The following LRIG3 variants were observed in gnomAD, a reference collection of about 807,000 sequenced individuals.
The protein encoded by LRIG3 is leucine rich repeats and immunoglobulin like domains 3.
LRIG3 carries 76 observed loss-of-function variants against 114.5 expected under a neutral mutation model. The ratio of observed to expected loss-of-function variants is 0.66; its 90% CI spans 0.55 to 0.80. The LOEUF (loss-of-function observed/expected upper bound fraction) is 0.80, where lower values mean the gene tolerates loss of function less well. Among genes scored for constraint, LRIG3 ranks in the 30% least tolerant of loss-of-function variants. The probability of loss-of-function intolerance (pLI) is 0.00; values close to 1 mark genes in which losing one functional copy is unlikely to be tolerated. For missense variants in LRIG3, 1,239 were observed against 1,382.8 expected, an observed-to-expected ratio of 0.90 and a Z score of 1.65; for synonymous variants, 512 against 519.8, an observed-to-expected ratio of 0.98 and a Z score of 0.20.
Position 58,920,131 on chromosome 12 carries a change from G to T in LRIG3, c.105C>A (p.Leu35=). The T allele has an allele frequency of 6.5e-7, 1 of 1,545,600 alleles. No individual in the cohort carries two copies. The part of the protein sequence containing the change: ...GRSDSGGRGE[L]GQPSGVAAER... ...CGGCGGCTACCCCAGAGGGCTGCCC[G>T]AGTTCCCCGCGACCGCCGCTGTCTG... Residue 35 remains leucine, a synonymous_variant, in exon 1 of 19, where the codon CTC becomes CTA. Transcript: ENST00000320743.
intron 3 of LRIG3, among the ~76,000 whole-genome samples, chr12:58,900,037 C>T: frequency 6.6e-6 from 1 of 152,082 alleles, no homozygotes; most frequent in South Asian, 2.1e-4. Context: ...AATCATTACC[C>T]CTGCACAGCT....
Position 58,888,992 on chromosome 12 carries a change from T to C in LRIG3, c.660-30A>G, listed in dbSNP as rs746270644. On this transcript the variant is annotated intron_variant, in intron 5 of 18. Transcript: ENST00000320743. Reference sequence around the variant, plus strand: ...ATTGAGTATTACAAGAGTTAGCTTATATGACAATTAAATTCTGGAGGTAGT... The same window carrying C: ...ATTGAGTATTACAAGAGTTAGCTTACATGACAATTAAATTCTGGAGGTAGT... 17 of 1,596,042 alleles carry C rather than the reference T, an allele frequency of 1.1e-5. No homozygotes were observed. The East Asian group carries it at 3.8e-4, about 36-fold the overall frequency.
At chr12:58,875,500 AGTTG>A (rs1306109009) in intron 16 of LRIG3, among the ~76,000 whole-genome samples, 1 of 152,218 alleles carries the variant, frequency 6.6e-6, no homozygotes, top group African/African-American at 2.4e-5. Context: ...TTATGGGAAA[AGTTG>A]GTCATATATT....
At chr12:58,907,485 C>T (rs956585336) in intron 3 of LRIG3, among the ~76,000 whole-genome samples, 2 of 152,114 alleles carry the variant, frequency 1.3e-5, no homozygotes, top group Non-Finnish European at 2.9e-5. Flanking sequence ...CTCCTGTGAC[C>T]CTCCCATTCA....
chr12:58,883,307 T>G (rs567775710), intron 11 of LRIG3, among the ~76,000 whole-genome samples: 8 of 152,304 alleles, frequency 5.3e-5, no homozygotes, highest in Admixed American at 2.0e-4. Flanking sequence ...TGTACTATAT[T>G]TGGTCCCACA....
At chr12:58,878,779 C>G (rs748372103) in intron 14 of LRIG3, 45 bp downstream of exon 14, 1 of 1,576,606 alleles carries the variant, frequency 6.3e-7, no homozygotes, top group Admixed American at 1.7e-5. Context: ...GAGCTAGTAT[C>G]TTCAAGACTG....
intron 1 of LRIG3, among the ~76,000 whole-genome samples, chr12:58,917,692 A>T (rs1455135974): frequency 6.6e-6 from 1 of 152,216 alleles, no homozygotes; most frequent in Non-Finnish European, 1.5e-5. Flanking sequence ...AAATTCAACA[A>T]ATGAAACAAA....
chr12:58,888,803 G>C lies in LRIG3; in HGVS notation c.803+16C>G. 1 of 1,612,948 alleles carries C rather than the reference G, an allele frequency of 6.2e-7. No homozygotes were observed. Among genetic ancestry groups the C allele is most frequent in the Middle Eastern group, 1.7e-4 (1 of 6,046 alleles). ...ATCATACTACCTCAGTAGGAACTGT[G>C]ATAACCCACACTTACAAAATTTCCA... is the stretch of plus-strand genomic sequence containing the variant. On this transcript the variant is annotated intron_variant, in intron 6 of 18. Coordinates refer to ENST00000320743, the MANE Select transcript of LRIG3 (RefSeq NM_153377.5).
At chr12:58,886,689 G>A in intron 9 of LRIG3, 121 bp downstream of exon 9, 1 of 726,642 alleles carries the variant, frequency 1.4e-6, no homozygotes, top group Non-Finnish European at 2.3e-6. Context: ...ATCAAGGGTG[G>A]TAACCAGATT....
intron 3 of LRIG3, among the ~76,000 whole-genome samples, chr12:58,908,873 G>A (rs1276458448): frequency 6.6e-6 from 1 of 152,094 alleles, no homozygotes; most frequent in Non-Finnish European, 1.5e-5. Context: ...TAAGTGCTGA[G>A]GAAAAGAAGA....
intron 13 of LRIG3, among the ~76,000 whole-genome samples, chr12:58,879,913 C>A (rs923325758): frequency 6.6e-6 from 1 of 152,194 alleles, no homozygotes. Flanking sequence ...AGGATTCACA[C>A]ACAGATCTCT....
At chr12:58,882,834 A>T in intron 12 of LRIG3, 35 bp downstream of exon 12, 1 of 1,548,924 alleles carries the variant, frequency 6.5e-7, no homozygotes, top group Non-Finnish European at 8.7e-7. Context: ...AAAAAAGAAG[A>T]ATAAATAAAA....
At position 58,883,639 on chromosome 12, in the gene LRIG3, C is replaced by T. The variant is rs192259571; in HGVS notation, c.1245-48G>A. 1,083 of 1,430,712 alleles carry T rather than the reference C, an allele frequency of 7.6e-4. 7 individuals are homozygous for T. The highest frequency in any genetic ancestry group is 1.4e-3 in the South Asian group (93 of 65,756). 88.6% of individuals were successfully genotyped at this position (1,430,712 alleles called of 1,614,324 possible). On this transcript the variant is annotated intron_variant, in intron 10 of 18. Transcript: ENST00000320743. ...GCATCAGAGCAAACTACCATCATTTCGTGCTTTTGGACAAAGTTTGGGCCC... is the reference window on the plus strand; with the variant it reads ...GCATCAGAGCAAACTACCATCATTTTGTGCTTTTGGACAAAGTTTGGGCCC...
chr12:58,915,058 T>C (rs1030442814), intron 1 of LRIG3, among the ~76,000 whole-genome samples: 1 of 152,362 alleles, frequency 6.6e-6, no homozygotes. Context: ...ACAATTTCCA[T>C]AGAACATCAT....
At chr12:58,885,950 G>T in intron 9 of LRIG3, 48 bp from the exon 10 acceptor site, 1 of 1,292,528 alleles carries the variant, frequency 7.7e-7, no homozygotes, top group Non-Finnish European at 1.1e-6. Context: ...AAGCCATTTT[G>T]GGGTGGAACT....
In LRIG3 at chr12:58,878,957, T is replaced by C; in HGVS notation, c.1950A>G (p.Arg650=). ...GGTDFPAARE[R]RMHVMPEDDV... Reference sequence around the variant, plus strand: ...CATCCTCGGGCATCACATGCATGCGTCTCTCCCGTGCAGCTGGGAAGTCTG... The same window carrying C: ...CATCCTCGGGCATCACATGCATGCGCCTCTCCCGTGCAGCTGGGAAGTCTG... Residue 650 remains arginine, a synonymous_variant, in exon 14 of 19, where the codon AGA becomes AGG. Coordinates refer to ENST00000320743, the MANE Select transcript of LRIG3 (RefSeq NM_153377.5). The C allele has an allele frequency of 4.3e-6, 7 of 1,614,166 alleles. No homozygotes were observed. The highest frequency in any genetic ancestry group is 5.9e-6 in the Non-Finnish European group (7 of 1,180,022).
intron 3 of LRIG3, among the ~76,000 whole-genome samples, chr12:58,898,160 A>G (rs59360671): frequency 0.018 from 2,669 of 152,350 alleles, 76 homozygotes; most frequent in African/African-American, 0.053. Context: ...GATACTCTAT[A>G]TTAATCAACC....
At chr12:58,918,307 AAATCCT>A (rs1464083895) in intron 1 of LRIG3, among the ~76,000 whole-genome samples, 1 of 152,250 alleles carries the variant, frequency 6.6e-6, no homozygotes. Flanking sequence ...CTGCAAAACA[AAATCCT>A]AATTAGGTCA....
At chr12:58,893,489 T>C (rs1271408103) in intron 3 of LRIG3, among the ~76,000 whole-genome samples, 1 of 152,220 alleles carries the variant, frequency 6.6e-6, no homozygotes, top group Non-Finnish European at 1.5e-5. Flanking sequence ...GAGGCTTTTG[T>C]TTAGAGTCAA....
Sources: allele counts gnomAD v4.1 joint callset (sites outside exome capture counted in the v4.1 genomes callset), GRCh38; gene constraint gnomAD v4.1.1; transcripts MANE v1.5; gene names NCBI Gene and HGNC (gene_info 2026-07-23, HGNC 2026-07-21).